SCAI: variants seen among roughly 807,000 people sequenced by gnomAD.
SCAI encodes the protein protein SCAI.
A neutral mutation model predicts 92.2 loss-of-function variants in SCAI; 24 were observed. That is an observed-to-expected ratio of 0.26 (90% CI 0.19 to 0.37). The LOEUF (loss-of-function observed/expected upper bound fraction) is 0.37. SCAI is among the 10% of genes least tolerant of loss of function. SCAI has a pLI of 1.00. For missense variants in SCAI, 450 were observed against 736.2 expected (o/e 0.61, Z 4.50); for synonymous variants, 261 against 258.6 (o/e 1.01, Z -0.09).
At chr9:125,049,405 G>A (rs1304043721) in intron 3 of SCAI, among the ~76,000 whole-genome samples, 4 of 152,172 alleles carry the variant, frequency 2.6e-5, no homozygotes, top group Admixed American at 1.3e-4. Flanking sequence ...GACAGTCTTA[G>A]TCACCATGGC....
intron 15 of SCAI, chr9:124,974,104 C>CTCTGTCT (rs1831710786): frequency 3.3e-6 from 1 of 301,842 alleles, no homozygotes; most frequent in Admixed American, 4.2e-5. Context: ...TGCCACAAGA[C>CTCTGTCT]ATTTGGCTCT....
Position 125,055,944 on chromosome 9 carries a change from T to C in SCAI, c.162A>G (p.Gly54=). 1 of 1,611,846 alleles carries C rather than the reference T, an allele frequency of 6.2e-7. No homozygotes were observed. Among genetic ancestry groups the C allele is most frequent in the South Asian group, 1.1e-5 (1 of 91,004 alleles). ...SGGAEDDIPQ[G]ERKTVTDFCY... is the part of the protein sequence containing the mutation. ...AAAAATCTGTAACTGTTTTCCTCTC[T>C]CCCTGTGGGATATCATCTTCAGCAC... Residue 54 remains glycine, a synonymous_variant, in exon 3 of 18, where the codon GGA becomes GGG. Coordinates refer to ENST00000336505, the MANE Select transcript of SCAI (RefSeq NM_001144877.3).
In SCAI at chr9:124,971,755, T is replaced by G; in HGVS notation, c.1489A>C (p.Arg497=). ...TCTTGACACTTTTCCCATAGGCCTCTGCGCATGCTTGACAATCCAGAGACA... is the reference window on the plus strand; with the variant it reads ...TCTTGACACTTTTCCCATAGGCCTCGGCGCATGCTTGACAATCCAGAGACA... ...LFVSGLSSMR[R]GLWEKCQEYL... The change falls in exon 16 of 18, where the codon AGA becomes CGA. Residue 497 remains arginine (R), a synonymous_variant. Coordinates refer to ENST00000336505, the MANE Select transcript of SCAI (RefSeq NM_001144877.3). The G allele has an allele frequency of 6.2e-7, 1 of 1,612,712 alleles. No individual in the cohort carries two copies. The highest frequency in any genetic ancestry group is 8.5e-7 in the Non-Finnish European group (1 of 1,179,584).
intron 2 of SCAI, among the ~76,000 whole-genome samples, chr9:125,132,387 C>G (rs1365463325): frequency 6.6e-6 from 1 of 151,880 alleles, no homozygotes; most frequent in Non-Finnish European, 1.5e-5. Flanking sequence ...GCTGGGATTA[C>G]AGGTGTGAGC....
Position 125,138,919 on chromosome 9 carries a change from G to A in SCAI, c.98+3714C>T, listed in dbSNP as rs535063337. On this transcript the variant is annotated intron_variant, in intron 2 of 17. Coordinates refer to ENST00000336505, the MANE Select transcript of SCAI (RefSeq NM_001144877.3). Reference sequence around the variant, plus strand: ...GGCTTATTAACTTGCACATGATCTCGCAAACTACATTTGACAGAGCTGAAT... The same window carrying A: ...GGCTTATTAACTTGCACATGATCTCACAAACTACATTTGACAGAGCTGAAT... 7.2e-5 allele frequency among the ~76,000 whole-genome samples: 11 copies of A among 152,256 alleles called. No individual in the cohort carries two copies. In the South Asian group the frequency reaches 1.7e-3, roughly 23 times the overall value.
At chr9:125,013,910 T>C (rs376273649) in intron 9 of SCAI, among the ~76,000 whole-genome samples, 11 of 152,044 alleles carry the variant, frequency 7.2e-5, no homozygotes, top group East Asian at 3.9e-4. Flanking sequence ...AGCATATAAA[T>C]AGAACCAAAG....
chr9:125,086,260 C>T (rs1009487410), intron 2 of SCAI, among the ~76,000 whole-genome samples: 8 of 152,162 alleles, frequency 5.3e-5, no homozygotes, highest in African/African-American at 1.9e-4. Context: ...AACACTGTTT[C>T]CAGGCAACTC....
chr9:125,074,359 C>T (rs559736429), intron 2 of SCAI, among the ~76,000 whole-genome samples: 8 of 151,152 alleles, frequency 5.3e-5, no homozygotes, highest in Admixed American at 1.3e-4. Context: ...CAGGTTCAAG[C>T]GATTCTCCTG....
At chr9:124,984,040 G>A (rs1182698170) in intron 14 of SCAI, among the ~76,000 whole-genome samples, 1 of 152,228 alleles carries the variant, frequency 6.6e-6, no homozygotes, top group Non-Finnish European at 1.5e-5. Context: ...TGGATGAGGA[G>A]TACTGGGGAG....
rs752446982 is a variant in SCAI, at chr9:125,068,115, G to A, written c.99-12108C>T. ...GGGCCTTGGTATAGCACAAAAGCCC[G>A]AGTATTTCTGTTGCTAACACTTAGT... is the stretch of plus-strand genomic sequence containing the variant. On this transcript the variant is annotated intron_variant, in intron 2 of 17. Coordinates refer to ENST00000336505, the MANE Select transcript of SCAI (RefSeq NM_001144877.3). Among the ~76,000 whole-genome samples the A allele has an allele frequency of 3.3e-5, 5 of 152,182 alleles. No individual in the cohort carries two copies. In the South Asian group the frequency reaches 6.2e-4, roughly 19 times the overall value.
chr9:125,136,345 A>G (rs1301388707), intron 2 of SCAI, among the ~76,000 whole-genome samples: 1 of 151,836 alleles, frequency 6.6e-6, no homozygotes, highest in Non-Finnish European at 1.5e-5. Flanking sequence ...TCCTGGGCTC[A>G]CACCATTCAT....
At chr9:125,068,587 C>T (rs773142145) in intron 2 of SCAI, among the ~76,000 whole-genome samples, 7 of 152,132 alleles carry the variant, frequency 4.6e-5, no homozygotes, top group Non-Finnish European at 7.3e-5. Context: ...CTTTGGGAGT[C>T]CAAGGCAGAC....
intron 2 of SCAI, among the ~76,000 whole-genome samples, chr9:125,064,083 C>T (rs760932959): frequency 3.3e-5 from 5 of 151,944 alleles, no homozygotes; most frequent in Non-Finnish European, 7.4e-5. Context: ...ATCATATGCA[C>T]CTAATAACAT....
At chr9:125,102,232 G>A (rs551254589) in intron 2 of SCAI, among the ~76,000 whole-genome samples, 11 of 152,168 alleles carry the variant, frequency 7.2e-5, no homozygotes, top group Non-Finnish European at 1.5e-4. Flanking sequence ...GCTTCCATAG[G>A]AAAATAATGA....
intron 2 of SCAI, among the ~76,000 whole-genome samples, chr9:125,128,406 G>C (rs193259576): frequency 3.3e-5 from 5 of 151,976 alleles, no homozygotes; most frequent in Admixed American, 3.3e-4. Flanking sequence ...GATCACCTTA[G>C]GTCAGGAGTT....
chr9:124,952,647 C>T lies in SCAI; in HGVS notation c.*160G>A, dbSNP rs1312547589. 2.6e-5 allele frequency: 15 copies of T among 571,710 alleles called. No homozygotes were observed. The highest frequency in any genetic ancestry group is 3.5e-5 in the Admixed American group (1 of 28,294). 35.4% of individuals were successfully genotyped at this position (571,710 alleles called of 1,614,324 possible). A position where few individuals can be genotyped will look rare whatever the true frequency, so the allele number is the denominator to read the frequency against. On this transcript the variant is annotated 3_prime_UTR_variant, in exon 18 of 18. Transcript: ENST00000336505. ...AAAGGTTGCATTTTAAAACAGTTAC[C>T]CTAAAAGTGTGAACATTTTTTTGTT...
chr9:124,976,175 G>A lies in SCAI; in HGVS notation c.1338C>T (p.Asn446=). 1.2e-6 allele frequency: 2 copies of A among 1,608,562 alleles called. No homozygotes were observed. Among genetic ancestry groups the A allele is most frequent in the African/African-American group, 2.7e-5 (2 of 74,888 alleles). ...SNSVAYKNFT[N]LFGQPLVCLL... is the part of the protein sequence containing the mutation. Reference sequence around the variant, plus strand: ...AGCAGACTAGTGGCTGTCCAAACAAGTTTGTGAAATTCTGTAATATATAAG... The same window carrying A: ...AGCAGACTAGTGGCTGTCCAAACAAATTTGTGAAATTCTGTAATATATAAG... The change falls in exon 15 of 18, where the codon AAC becomes AAT. Residue 446 remains asparagine, a synonymous_variant. Transcript: ENST00000336505.
intron 3 of SCAI, among the ~76,000 whole-genome samples, chr9:125,054,162 A>G (rs1349057246): frequency 6.6e-6 from 1 of 152,054 alleles, no homozygotes; most frequent in Non-Finnish European, 1.5e-5. Flanking sequence ...TTTTGTAGAG[A>G]CGAGGTTTCA....
intron 3 of SCAI, among the ~76,000 whole-genome samples, chr9:125,045,285 C>G (rs1281116262): frequency 6.6e-6 from 1 of 152,230 alleles, no homozygotes; most frequent in Non-Finnish European, 1.5e-5. Flanking sequence ...AGGATGATCT[C>G]AAACTCCTGG....
Sources: gnomAD v4.1 joint callset for allele counts (sites outside exome capture counted in the v4.1 genomes callset) on GRCh38, gnomAD v4.1.1 for gene constraint, MANE v1.5 for transcripts, NCBI Gene and HGNC (gene_info 2026-07-23, HGNC 2026-07-21) for gene names.